The following ING3 variants were observed in gnomAD, a reference collection of about 807,000 sequenced individuals.
The protein encoded by ING3 is inhibitor of growth family member 3, also known as inhibitor of growth protein 3.
A neutral mutation model predicts 64.8 loss-of-function variants in ING3; 6 were observed. The ratio of observed to expected loss-of-function variants is 0.09; its 90% CI spans 0.05 to 0.18. ING3 has a LOEUF of 0.18. ING3 is among the 10% of genes least tolerant of loss of function. The probability of loss-of-function intolerance (pLI) is 1.00; values close to 1 mark genes in which losing one functional copy is unlikely to be tolerated. For missense variants in ING3, 310 were observed against 489.7 expected (o/e 0.63, Z 3.46); for synonymous variants, 170 against 173.7 (o/e 0.98, Z 0.17).
At chr7:120,970,187 TG>T (rs201172008) in intron 9 of ING3, among the ~76,000 whole-genome samples, 3,566 of 152,150 alleles carry the variant, frequency 0.023, 59 homozygotes, top group African/African-American at 0.048. Context: ...AATGAGTGGC[TG>T]GGCGGGGTGG....
At chr7:120,962,637 G>A (rs1265992227) in intron 4 of ING3, among the ~76,000 whole-genome samples, 2 of 151,930 alleles carry the variant, frequency 1.3e-5, no homozygotes, top group African/African-American at 4.8e-5. Flanking sequence ...CTTGCTCACT[G>A]TGCTTTATAT....
intron 9 of ING3, among the ~76,000 whole-genome samples, chr7:120,970,066 G>A (rs181280033): frequency 8.9e-4 from 136 of 152,260 alleles, no homozygotes; most frequent in Non-Finnish European, 1.5e-3. Flanking sequence ...CCATACTCAT[G>A]GTAGGTATTC....
In ING3 at chr7:120,967,510, AT is replaced by A. The variant is rs1263684941; in HGVS notation, c.437-13del. ...TTCTCTAAAGTTTAAAAACACATGA[AT>A]TTTTTATTTATATTTAGAAAGGAAA... On this transcript the variant is annotated intron_variant, in intron 6 of 11. Coordinates refer to ENST00000315870, the MANE Select transcript of ING3 (RefSeq NM_019071.3). 4.0e-6 allele frequency: 6 copies of A among 1,491,778 alleles called. No individual in the cohort carries two copies. Among genetic ancestry groups the A allele is most frequent in the South Asian group, 1.2e-5 (1 of 80,176 alleles). The allele number at this position is 1,491,778 out of a possible 1,614,324, so 92.4% of individuals were successfully genotyped here. A position where few individuals can be genotyped will look rare whatever the true frequency, so the allele number is the denominator to read the frequency against.
intron 4 of ING3, among the ~76,000 whole-genome samples, chr7:120,959,821 A>AT (rs1325332523): frequency 6.6e-6 from 1 of 150,408 alleles, no homozygotes. Flanking sequence ...AATTTTTTGT[A>AT]TTTTTAGTAG....
At position 120,951,188 on chromosome 7, in the gene ING3, T is replaced by A. The variant is rs1795758657; in HGVS notation, c.53T>A (p.Leu18Gln). 6.2e-7 allele frequency: 1 copy of A among 1,614,078 alleles called. No homozygotes were observed. Among genetic ancestry groups the A allele is most frequent in the South Asian group, 1.1e-5 (1 of 91,088 alleles). The change falls in exon 2 of 12, where the codon CTG (leucine) becomes CAG (glutamine). Residue 18 changes from leucine to glutamine, a missense_variant. Leu to Gln is a moderately radical substitution (Grantham distance 113, BLOSUM62 -2). Around this residue, in one of 3 missense-constraint regions of ING3, gnomAD observed 53 missense variants for 116.2 expected, o/e 0.46. Transcript: ENST00000315870. ...LEMIEQLPMDLRDRFTEMREM... is the reference protein window; with the variant it reads ...LEMIEQLPMDQRDRFTEMREM... ...GTGATTGAGCAGCTTCCTATGGATC[T>A]GCGGGACCGCTTCACGGAAATGCGC...
chr7:120,974,733 T>C lies in ING3; in HGVS notation c.1146T>C (p.Pro382=). 1.9e-6 allele frequency: 3 copies of C among 1,611,652 alleles called. No individual in the cohort carries two copies. Among genetic ancestry groups the C allele is most frequent in the Non-Finnish European group, 2.5e-6 (3 of 1,178,114 alleles). Residue 382 remains proline (P), a synonymous_variant, in exon 12 of 12, where the codon CCT becomes CCC. Coordinates refer to ENST00000315870, the MANE Select transcript of ING3 (RefSeq NM_019071.3). ...TTTGCAATTTTGCTTTCTAGTGCCC[T>C]ATAGAATGGTTCCATTATGGCTGCG... The part of the protein sequence containing the change: ...EMVGCDNQDC[P]IEWFHYGCVG...
chr7:120,964,049 CAT>C (rs1216275476), intron 4 of ING3, among the ~76,000 whole-genome samples: 3 of 151,910 alleles, frequency 2.0e-5, no homozygotes, highest in Non-Finnish European at 4.4e-5. Context: ...TTTGAAGTGT[CAT>C]ATAATTTTCT....
Position 120,970,891 on chromosome 7 carries a change from G to T in ING3, c.1101+11G>T, listed in dbSNP as rs745945723. The T allele has an allele frequency of 6.5e-7, 1 of 1,543,318 alleles. No homozygotes were observed. Among genetic ancestry groups the T allele is most frequent in the Non-Finnish European group, 9.0e-7 (1 of 1,116,064 alleles). On this transcript the variant is annotated intron_variant, in intron 10 of 11. Coordinates refer to ENST00000315870, the MANE Select transcript of ING3 (RefSeq NM_019071.3). ...TGCATTTGTAATCAGGTAAAAGTCT[G>T]TTATATCTATAAAAGTATAATCTGA...
intron 8 of ING3, among the ~76,000 whole-genome samples, chr7:120,968,708 G>A (rs1433080105): frequency 6.6e-6 from 1 of 151,566 alleles, no homozygotes; most frequent in African/African-American, 2.4e-5. Flanking sequence ...TTAGCTGGGT[G>A]CCTGGTGGGT....
chr7:120,962,507 T>C (rs1361482902), intron 4 of ING3, among the ~76,000 whole-genome samples: 1 of 151,882 alleles, frequency 6.6e-6, no homozygotes, highest in Non-Finnish European at 1.5e-5. Flanking sequence ...TTATCAATAA[T>C]ATATTTAATA....
rs551424360 is a variant in ING3 at position 120,965,618 on chromosome 7, A to G, written c.364+780A>G. Among the ~76,000 whole-genome samples, 172 of 152,212 alleles carry G rather than the reference A, an allele frequency of 1.1e-3. 1 individual carries two copies. Among genetic ancestry groups the G allele is most frequent in the Non-Finnish European group, 1.8e-3 (120 of 67,972 alleles). On this transcript the variant is annotated intron_variant, in intron 5 of 11. Coordinates refer to ENST00000315870, the MANE Select transcript of ING3 (RefSeq NM_019071.3). ...TTACAAACCTTCTTTTTCTTGGTGC[A>G]TTTCAACAGTAAGAATATGTACCTG...
In ING3 at chr7:120,975,425, G is replaced by T. The variant is rs1796122229; in HGVS notation, c.*581G>T. 6.7e-6 allele frequency: 1 copy of T among 148,426 alleles called. No individual in the cohort carries two copies. The highest frequency in any genetic ancestry group is 2.1e-4 in the South Asian group (1 of 4,744). The allele number at this position is 148,426 out of a possible 1,614,324, so 9.2% of individuals were successfully genotyped here. ...ATAATGTGGGCTGGTATCCTCTAGA[G>T]TACCTGGGTACATAAACAGAAACTC... On this transcript the variant is annotated 3_prime_UTR_variant, in exon 12 of 12. Coordinates refer to ENST00000315870, the MANE Select transcript of ING3 (RefSeq NM_019071.3).
At chr7:120,972,025 ATT>A (rs1425540653) in intron 10 of ING3, among the ~76,000 whole-genome samples, 1 of 152,086 alleles carries the variant, frequency 6.6e-6, no homozygotes, top group Non-Finnish European at 1.5e-5. Flanking sequence ...TGTTTTTTAC[ATT>A]ATGAATCGAC....
Position 120,950,843 on chromosome 7 carries a change from A to G in ING3, c.-54A>G. On this transcript the variant is annotated 5_prime_UTR_variant, in exon 1 of 12. Transcript: ENST00000315870. ...AGGGGACAAAACTCCGGCGACAGCG[A>G]GTGACACAAATAAACCCCTGGACCC... The G allele has an allele frequency of 6.4e-7, 1 of 1,571,550 alleles. No individual in the cohort carries two copies. Among genetic ancestry groups the G allele is most frequent in the Non-Finnish European group, 8.7e-7 (1 of 1,154,908 alleles).
intron 10 of ING3, among the ~76,000 whole-genome samples, chr7:120,972,372 T>G (rs1469379764): frequency 6.6e-6 from 1 of 152,178 alleles, no homozygotes; most frequent in East Asian, 1.9e-4. Flanking sequence ...TTTTAAAAAT[T>G]TTAACAATTT....
chr7:120,956,417 T>A, intron 4 of ING3: 1 of 1,253,636 alleles, frequency 8.0e-7, no homozygotes, highest in Non-Finnish European at 1.0e-6. Flanking sequence ...AACAAGTACG[T>A]GTAAGTAAAA....
intron 11 of ING3, among the ~76,000 whole-genome samples, chr7:120,973,899 A>C (rs1209206658): frequency 6.6e-6 from 1 of 152,202 alleles, no homozygotes. Flanking sequence ...TTAAATTTGT[A>C]AAACAATCTG....
Position 120,975,943 on chromosome 7 carries a change from A to G in ING3, c.*1099A>G, listed in dbSNP as rs1222342831. On this transcript the variant is annotated 3_prime_UTR_variant, in exon 12 of 12. Transcript: ENST00000315870. The stretch of plus-strand genomic sequence containing the variant: ...AGCAGTTAAAACGAAAATAATGGTT[A>G]TGGGTGTTTTGACTGGAGGCAATGT... 1 of 152,164 alleles carries G rather than the reference A, an allele frequency of 6.6e-6. No homozygotes were observed. Among genetic ancestry groups the G allele is most frequent in the Non-Finnish European group, 1.5e-5 (1 of 68,016 alleles). The allele number at this position is 152,164 out of a possible 1,614,324, so 9.4% of individuals were successfully genotyped here.
chr7:120,951,427 T>A (rs567223826), intron 2 of ING3, among the ~76,000 whole-genome samples, 192 bp downstream of exon 2: 1 of 152,344 alleles, frequency 6.6e-6, no homozygotes, highest in African/African-American at 2.4e-5. Flanking sequence ...TTTTTCTGGC[T>A]TTTGCAAGAG....
Sources: allele counts gnomAD v4.1 joint callset (sites outside exome capture counted in the v4.1 genomes callset), GRCh38; gene constraint gnomAD v4.1.1; regional missense constraint gnomAD v4.1.1; transcripts MANE v1.5; gene names NCBI Gene and HGNC (gene_info 2026-07-23, HGNC 2026-07-21).